The following CST11 variants were observed in gnomAD, a reference collection of about 807,000 sequenced individuals.
CST11 encodes cystatin 11.
CST11 carries 13 observed loss-of-function variants against 14.0 expected under a neutral mutation model. That is an observed-to-expected ratio of 0.93 (90% CI 0.60 to 1.47). The LOEUF (loss-of-function observed/expected upper bound fraction) is 1.47, where lower values mean the gene tolerates loss of function less well. Among genes scored for constraint, CST11 ranks in the 40% most tolerant of loss-of-function variants. The pLI, the probability that CST11 is intolerant of heterozygous loss-of-function variation, is 0.00. For synonymous variants in CST11, 64 were observed against 57.8 expected, an observed-to-expected ratio of 1.11 and a Z score of -0.48; for missense variants, 181 against 160.0, an observed-to-expected ratio of 1.13 and a Z score of -0.71.
At chr20:23,451,970 T>C (rs376419554) in intron 1 of CST11, 50 bp from the exon 2 acceptor site, 38 of 1,415,788 alleles carry the variant, frequency 2.7e-5, no homozygotes, top group Non-Finnish European at 3.7e-5. Context: ...TTCTCCCCTG[T>C]CTGCGGTTTC....
Position 23,450,560 on chromosome 20 carries a change from A to G in CST11, c.363T>C (p.Ala121=), listed in dbSNP as rs140997818. ...TTTTGTACTGTTCAAACCAGGGTAC[A>G]GCAAACACTGAGAAGAAGCAGTTGA... ...KQVNCFFSVF[A]VPWFEQYKIL... Residue 121 remains alanine (A), a synonymous_variant, in exon 3 of 3, where the codon GCT becomes GCC. Transcript: ENST00000377009. 3 of 1,611,468 alleles carry G rather than the reference A, an allele frequency of 1.9e-6. No individual in the cohort carries two copies. Among genetic ancestry groups the G allele is most frequent in the African/African-American group, 2.7e-5 (2 of 74,904 alleles).
At chr20:23,452,533 C>A (rs777627005) in intron 1 of CST11, 51 bp downstream of exon 1, 2 of 1,206,566 alleles carry the variant, frequency 1.7e-6, no homozygotes, top group Non-Finnish European at 2.5e-6. Context: ...CCAGTGGCCA[C>A]CCGATGTGGG....
intron 2 of CST11, 95 bp downstream of exon 2, chr20:23,451,721 A>G: frequency 1.1e-6 from 1 of 899,588 alleles, no homozygotes; most frequent in Non-Finnish European, 1.7e-6. Context: ...CAGCTTGAGT[A>G]AATTCCAATT....
chr20:23,451,170 C>G (rs1271310912), intron 2 of CST11, among the ~76,000 whole-genome samples: 2 of 152,178 alleles, frequency 1.3e-5, no homozygotes, highest in African/African-American at 4.8e-5. Context: ...ACTTTGCTTC[C>G]TCTCCCTCAG....
chr20:23,452,736 C>T lies in CST11; in HGVS notation c.76G>A (p.Ala26Thr), dbSNP rs868641242. ...ACGCTTAGAAAGGTTTTCTTCCTTG[C>T]TTGGTAGGGGAGGGCCATCAGAGTC... ...LLTLMALPYQ[A>T]RKKTFLSVHE... Residue 26 changes from alanine (A) to threonine (T), a missense_variant, in exon 1 of 3, where the codon GCA becomes ACA. Coordinates refer to ENST00000377009, the MANE Select transcript of CST11 (RefSeq NM_130794.2). 3 of 1,614,204 alleles carry T rather than the reference C, an allele frequency of 1.9e-6. No homozygotes were observed. Among genetic ancestry groups the T allele is most frequent in the African/African-American group, 1.3e-5 (1 of 75,052 alleles).
intron 2 of CST11, among the ~76,000 whole-genome samples, chr20:23,451,398 C>T (rs368242142): frequency 2.0e-5 from 3 of 152,208 alleles, no homozygotes; most frequent in African/African-American, 7.2e-5. Context: ...TCCTCCTCCC[C>T]CTGGATGAAC....
intron 2 of CST11, 93 bp from the exon 3 acceptor site, chr20:23,450,682 G>A (rs990258321): frequency 1.2e-5 from 10 of 812,764 alleles, no homozygotes; most frequent in Non-Finnish European, 1.9e-5. Context: ...ATGGAGAAAA[G>A]GCTACCACCT....
Position 23,452,608 on chromosome 20 carries a change from G to A in CST11, c.204C>T (p.Phe68=). 6.2e-7 allele frequency: 1 copy of A among 1,613,278 alleles called. No homozygotes were observed. The highest frequency in any genetic ancestry group is 8.5e-7 in the Non-Finnish European group (1 of 1,179,216). ...ESDDKYHFRI[F]RVLKVQRQVT... is the part of the protein sequence containing the mutation. Reference sequence around the variant, plus strand: ...CCTGCCTCTGGACTTTAAGGACTCGGAAGATCCTGAAGTGGTACTTGTCAT... The same window carrying A: ...CCTGCCTCTGGACTTTAAGGACTCGAAAGATCCTGAAGTGGTACTTGTCAT... Residue 68 remains phenylalanine, a synonymous_variant, in exon 1 of 3, where the codon TTC becomes TTT. Transcript: ENST00000377009.
At position 23,450,509 on chromosome 20, in the gene CST11, G is replaced by A. The variant is rs769380145; in HGVS notation, c.414C>T (p.Asp138=). Residue 138 remains aspartate, a synonymous_variant, in exon 3 of 3, where the codon GAC becomes GAT. Transcript: ENST00000377009. ...GCAGTTGTACACTCCAGGACACCTA[G>A]TCACTGCTGCAGCTTTTGTTCAAAA... The part of the protein sequence containing the change: ...YKILNKSCSS[D] 24 of 1,609,944 alleles carry A rather than the reference G, an allele frequency of 1.5e-5. No homozygotes were observed. In the African/African-American group the frequency reaches 2.7e-4, roughly 18 times the overall value.
Position 23,452,673 on chromosome 20 carries a change from T to C in CST11, c.139A>G (p.Ser47Gly). The change falls in exon 1 of 3, where the codon AGC becomes GGC. Residue 47 changes from serine (S) to glycine (G), a missense_variant. Transcript: ENST00000377009. Reference protein sequence around the residue: ...VMAVENYAKDSLQWITDQYNK... With the variant: ...VMAVENYAKDGLQWITDQYNK... The stretch of plus-strand genomic sequence containing the variant: ...TACTGGTCGGTGATCCACTGCAAGC[T>C]GTCCTTCGCATAGTTTTCTACTGCC... 3 of 1,614,100 alleles carry C rather than the reference T, an allele frequency of 1.9e-6. No homozygotes were observed. Among genetic ancestry groups the C allele is most frequent in the South Asian group, 2.2e-5 (2 of 91,080 alleles).
At chr20:23,452,244 T>C (rs866821122) in intron 1 of CST11, among the ~76,000 whole-genome samples, 1 of 152,190 alleles carries the variant, frequency 6.6e-6, no homozygotes, top group Non-Finnish European at 1.5e-5. Context: ...TTATTGGCCA[T>C]GTGGTCTCTG....
intron 2 of CST11, among the ~76,000 whole-genome samples, chr20:23,451,143 T>C (rs1482451479): frequency 6.6e-6 from 1 of 152,156 alleles, no homozygotes; most frequent in Non-Finnish European, 1.5e-5. Flanking sequence ...CATCCACCCA[T>C]CCATCTTTAC....
At position 23,451,930 on chromosome 20, in the gene CST11, C is replaced by T. The variant is rs770410426; in HGVS notation, c.229-10G>A. 6.2e-7 allele frequency: 1 copy of T among 1,606,760 alleles called. No homozygotes were observed. Among genetic ancestry groups the T allele is most frequent in the Non-Finnish European group, 8.5e-7 (1 of 1,173,756 alleles). On this transcript the variant is annotated splice_polypyrimidine_tract_variant and intron_variant, in intron 1 of 2. Coordinates refer to ENST00000377009, the MANE Select transcript of CST11 (RefSeq NM_130794.2). ...CCAGGTGGTCAGTGACCTGTGGGCG[C>T]CAGGCGTGGGGGAGGCACAGCTTGT... is the stretch of plus-strand genomic sequence containing the variant.
rs1286832891 is a variant in CST11 at position 23,451,851 on chromosome 20, T to A, written c.298A>T (p.Thr100Ser). ...QWTTCQKPET[T>S]NCVPQERELH... ...TCCCTTTCCTGGGGGACACAGTTCG[T>A]GGTCTCTGGCTTTTGGCAGGTGGTC... The change falls in exon 2 of 3, where the codon ACG becomes TCG. Residue 100 changes from threonine to serine, a missense_variant. Transcript: ENST00000377009. 6.2e-7 allele frequency: 1 copy of A among 1,613,996 alleles called. No homozygotes were observed. Among genetic ancestry groups the A allele is most frequent in the East Asian group, 2.2e-5 (1 of 44,894 alleles).
At chr20:23,450,739 T>C (rs1987064711) in intron 2 of CST11, 150 bp from the exon 3 acceptor site, 3 of 521,714 alleles carry the variant, frequency 5.8e-6, no homozygotes, top group East Asian at 5.7e-5. Context: ...GGACATTTTC[T>C]GGAATGATCC....
In CST11 at chr20:23,452,775, A is replaced by G; in HGVS notation, c.37T>C (p.Leu13=). The change falls in exon 1 of 3, where the codon TTG becomes CTG. Residue 13 remains leucine, a synonymous_variant. Transcript: ENST00000377009. ...AEPWQALQLL[L]AILLTLMALP... ...GCCATCAGAGTCAATAGAATGGCCAACAGGAGCTGTAGGGCCTGCCAGGGC... is the reference window on the plus strand; with the variant it reads ...GCCATCAGAGTCAATAGAATGGCCAGCAGGAGCTGTAGGGCCTGCCAGGGC... 6.2e-7 allele frequency: 1 copy of G among 1,614,188 alleles called. No homozygotes were observed. Among genetic ancestry groups the G allele is most frequent in the Non-Finnish European group, 8.5e-7 (1 of 1,180,014 alleles).
At position 23,452,723 on chromosome 20, in the gene CST11, G is replaced by A. The variant is rs1987134386; in HGVS notation, c.89C>T (p.Thr30Ile). 1 of 1,614,060 alleles carries A rather than the reference G, an allele frequency of 6.2e-7. No homozygotes were observed. Among genetic ancestry groups the A allele is most frequent in the African/African-American group, 1.3e-5 (1 of 74,928 alleles). ...MALPYQARKK[T>I]FLSVHEVMAV... ...CATCACTTCATGGACGCTTAGAAAG[G>A]TTTTCTTCCTTGCTTGGTAGGGGAG... The change falls in exon 1 of 3, where the codon ACC becomes ATC. Residue 30 changes from threonine (T) to isoleucine (I), a missense_variant. Physicochemically the swap from Thr to Ile is moderately conservative, Grantham distance 89. Transcript: ENST00000377009.
chr20:23,452,708 T>A lies in CST11; in HGVS notation c.104A>T (p.His35Leu), dbSNP rs768717064. 6.2e-7 allele frequency: 1 copy of A among 1,614,140 alleles called. No homozygotes were observed. Among genetic ancestry groups the A allele is most frequent in the South Asian group, 1.1e-5 (1 of 91,080 alleles). The change falls in exon 1 of 3, where the codon CAT becomes CTT. Residue 35 changes from histidine to leucine, a missense_variant. His to Leu is a moderately conservative substitution (Grantham distance 99, BLOSUM62 -3). Coordinates refer to ENST00000377009, the MANE Select transcript of CST11 (RefSeq NM_130794.2). ...ATAGTTTTCTACTGCCATCACTTCATGGACGCTTAGAAAGGTTTTCTTCCT... is the reference window on the plus strand; with the variant it reads ...ATAGTTTTCTACTGCCATCACTTCAAGGACGCTTAGAAAGGTTTTCTTCCT... Reference protein sequence around the residue: ...QARKKTFLSVHEVMAVENYAK... With the variant: ...QARKKTFLSVLEVMAVENYAK...
Position 23,450,513 on chromosome 20 carries a change from C to G in CST11, c.410G>C (p.Ser137Thr). 1 of 1,611,364 alleles carries G rather than the reference C, an allele frequency of 6.2e-7. No homozygotes were observed. The highest frequency in any genetic ancestry group is 1.1e-5 in the South Asian group (1 of 90,884). Reference protein sequence around the residue: ...QYKILNKSCSSD With the variant: ...QYKILNKSCSTD The stretch of plus-strand genomic sequence containing the variant: ...TTGTACACTCCAGGACACCTAGTCA[C>G]TGCTGCAGCTTTTGTTCAAAATTTT... The change falls in exon 3 of 3, where the codon AGT becomes ACT. Residue 137 changes from serine (S) to threonine (T), a missense_variant. Transcript: ENST00000377009.
Sources: gnomAD v4.1 joint callset for allele counts (sites outside exome capture counted in the v4.1 genomes callset) on GRCh38, gnomAD v4.1.1 for gene constraint, MANE v1.5 for transcripts, NCBI Gene and HGNC (gene_info 2026-07-23, HGNC 2026-07-21) for gene names.